NPFFR2: variants seen among roughly 807,000 people sequenced by gnomAD.
The protein encoded by NPFFR2 is G-protein coupled receptor 74.
In NPFFR2, 15 loss-of-function variants were observed where a neutral mutation model predicts 13.1. The ratio of observed to expected loss-of-function variants is 1.15; its 90% CI spans 0.77 to 1.76. NPFFR2 has a LOEUF of 1.76. Among genes scored for constraint, NPFFR2 ranks in the 40% most tolerant of loss-of-function variants. NPFFR2 has a pLI of 0.00. For missense variants in NPFFR2, 572 were observed against 503.5 expected, an observed-to-expected ratio of 1.14 and a Z score of -1.30; for synonymous variants, 190 against 175.7, an observed-to-expected ratio of 1.08 and a Z score of -0.65.
At chr4:72,133,566 G>T (rs547695617) in intron 2 of NPFFR2, among the ~76,000 whole-genome samples, 1 of 152,072 alleles carries the variant, frequency 6.6e-6, no homozygotes, top group South Asian at 2.1e-4. Context: ...GATTTAATAG[G>T]GATAGCATGG....
At chr4:72,146,121 A>G (rs925216999) in intron 3 of NPFFR2, among the ~76,000 whole-genome samples, 7 of 152,142 alleles carry the variant, frequency 4.6e-5, no homozygotes, top group Admixed American at 4.6e-4. Context: ...GTGGCTTCAA[A>G]CAATATTGGT....
At chr4:72,127,864 G>T (rs1722110350) in intron 1 of NPFFR2, among the ~76,000 whole-genome samples, 1 of 151,848 alleles carries the variant, frequency 6.6e-6, no homozygotes, top group South Asian at 2.1e-4. Flanking sequence ...TGGATCACTC[G>T]AACTCAGGAG....
chr4:72,113,796 C>G (rs1721634458), intron 1 of NPFFR2, among the ~76,000 whole-genome samples: 1 of 152,076 alleles, frequency 6.6e-6, no homozygotes, highest in Non-Finnish European at 1.5e-5. Flanking sequence ...GAGATGTAGT[C>G]TCAGGTTCGA....
chr4:72,095,127 A>G (rs1721026497), intron 1 of NPFFR2, among the ~76,000 whole-genome samples: 1 of 152,186 alleles, frequency 6.6e-6, no homozygotes, highest in South Asian at 2.1e-4. Flanking sequence ...AATGAATATT[A>G]TGTTAACTAT....
chr4:72,088,211 ATTAG>A (rs879342121), intron 1 of NPFFR2, among the ~76,000 whole-genome samples: 3 of 151,068 alleles, frequency 2.0e-5, no homozygotes, highest in South Asian at 2.1e-4. Flanking sequence ...TTGTATGATT[ATTAG>A]TTAGGTAATG....
intron 1 of NPFFR2, among the ~76,000 whole-genome samples, chr4:72,127,360 CTTTTTTTTT>C (rs1186710740): frequency 4.5e-5 from 3 of 66,928 alleles, no homozygotes; most frequent in Non-Finnish European, 8.7e-5. Flanking sequence ...AATTTCTTTT[CTTTTTTTTT>C]TTTTTTTTTT....
intron 1 of NPFFR2, among the ~76,000 whole-genome samples, chr4:72,070,582 G>GTGT (rs1553889570): frequency 6.8e-5 from 1 of 14,634 alleles, no homozygotes; most frequent in Non-Finnish European, 2.1e-4. Context: ...GTGGGGCTCT[G>GTGT]GTGGCCTTTG....
At position 72,131,131 on chromosome 4, in the gene NPFFR2, G is replaced by T. The variant is rs1054402343; in HGVS notation, c.328+2212G>T. 5.3e-5 allele frequency among the ~76,000 whole-genome samples: 8 copies of T among 152,100 alleles called. No individual in the cohort carries two copies. In the South Asian group the frequency reaches 1.2e-3, roughly 24 times the overall value. On this transcript the variant is annotated intron_variant, in intron 2 of 3. Coordinates refer to ENST00000308744, the MANE Select transcript of NPFFR2 (RefSeq NM_004885.3). ...TCTGCTGCTGTGCCATTGGAACCTG[G>T]GGTTTTTATAGGTATAGGATGCGGG...
At position 72,087,413 on chromosome 4, in the gene NPFFR2, T is replaced by C. The variant is rs187122205; in HGVS notation, c.-7-41172T>C. Among the ~76,000 whole-genome samples the C allele has an allele frequency of 2.3e-3, 354 of 152,200 alleles. 5 individuals carry two copies. The highest frequency in any genetic ancestry group is 8.0e-3 in the African/African-American group (333 of 41,566). ...GGAAAGGCAGATAATACAATTCTTA[T>C]TGCCTTTTATTTACAGATATTGTTA... On this transcript the variant is annotated intron_variant, in intron 1 of 3. Coordinates refer to ENST00000308744, the MANE Select transcript of NPFFR2 (RefSeq NM_004885.3).
chr4:72,039,310 G>C (rs1439585123), intron 1 of NPFFR2: 3 of 460,250 alleles, frequency 6.5e-6, no homozygotes, highest in Non-Finnish European at 8.5e-6. Context: ...CACCCACCTC[G>C]GCCTCCCAAA....
At chr4:72,063,466 A>G (rs1350973989) in intron 1 of NPFFR2, among the ~76,000 whole-genome samples, 1 of 152,228 alleles carries the variant, frequency 6.6e-6, no homozygotes, top group African/African-American at 2.4e-5. Context: ...ATGGTTTTGA[A>G]GTGATTAAGA....
At chr4:72,105,225 G>A (rs1371690513) in intron 1 of NPFFR2, among the ~76,000 whole-genome samples, 3 of 151,630 alleles carry the variant, frequency 2.0e-5, no homozygotes, top group Admixed American at 2.0e-4. Context: ...TATGTAGAGA[G>A]AGTTATAAAA....
At chr4:72,064,601 A>G (rs1477990881) in intron 1 of NPFFR2, among the ~76,000 whole-genome samples, 4 of 152,204 alleles carry the variant, frequency 2.6e-5, no homozygotes, top group Non-Finnish European at 4.4e-5. Context: ...TAAAGCAAGG[A>G]CATAGATAGT....
At chr4:72,060,753 A>G (rs568115136) in intron 1 of NPFFR2, among the ~76,000 whole-genome samples, 137 of 152,206 alleles carry the variant, frequency 9.0e-4, no homozygotes, top group Non-Finnish European at 1.2e-3. Flanking sequence ...TCAGAAGCCA[A>G]CCCACCTGAG....
chr4:72,140,603 T>A (rs1041188450), intron 3 of NPFFR2, among the ~76,000 whole-genome samples: 1 of 152,232 alleles, frequency 6.6e-6, no homozygotes, highest in African/African-American at 2.4e-5. Context: ...ATCACAGGGA[T>A]GAAGCAGACT....
intron 1 of NPFFR2, among the ~76,000 whole-genome samples, chr4:72,035,352 A>G (rs370185716): frequency 6.6e-6 from 1 of 152,254 alleles, no homozygotes; most frequent in African/African-American, 2.4e-5. Context: ...GGAGGAAATG[A>G]CCTAAAAGCA....
chr4:72,114,742 A>G (rs779680548), intron 1 of NPFFR2, among the ~76,000 whole-genome samples: 2 of 152,150 alleles, frequency 1.3e-5, no homozygotes, highest in Non-Finnish European at 2.9e-5. Flanking sequence ...TTTGACATGA[A>G]CAACATGTTA....
intron 1 of NPFFR2, among the ~76,000 whole-genome samples, chr4:72,123,771 A>G (rs982674926): frequency 2.0e-5 from 3 of 152,366 alleles, no homozygotes. Flanking sequence ...TCTTAAAATA[A>G]TAAGAGCTAT....
intron 1 of NPFFR2, among the ~76,000 whole-genome samples, chr4:72,083,165 T>G (rs1444267282): frequency 3.9e-5 from 6 of 152,192 alleles, no homozygotes; most frequent in African/African-American, 1.4e-4. Flanking sequence ...AGTCCAGTTA[T>G]CTCTTCGAGA....
Sources: gnomAD v4.1 joint callset for allele counts (sites outside exome capture counted in the v4.1 genomes callset) on GRCh38, gnomAD v4.1.1 for gene constraint, MANE v1.5 for transcripts, NCBI Gene and HGNC (gene_info 2026-07-23, HGNC 2026-07-21) for gene names.